The following SLC44A5 variants were observed in gnomAD, a reference collection of about 807,000 sequenced individuals.
SLC44A5 encodes solute carrier family 44 member 5.
In SLC44A5, 57 loss-of-function variants were observed where a neutral mutation model predicts 101.8. That is an observed-to-expected ratio of 0.56 (90% CI 0.45 to 0.70). The LOEUF (loss-of-function observed/expected upper bound fraction) is 0.70. Among genes scored for constraint, SLC44A5 ranks in the 30% least tolerant of loss-of-function variants. SLC44A5 has a pLI of 0.00. For missense variants in SLC44A5, 737 were observed against 853.1 expected (o/e 0.86, Z 1.70); for synonymous variants, 281 against 290.9 (o/e 0.97, Z 0.35).
chr1:75,253,262 A>G (rs1286389390), intron 6 of SLC44A5, among the ~76,000 whole-genome samples: 1 of 152,218 alleles, frequency 6.6e-6, no homozygotes, highest in African/African-American at 2.4e-5. Flanking sequence ...CTCTCACTCC[A>G]AGTTCTTTGG....
chr1:75,429,441 AG>A (rs1664487924), intron 2 of SLC44A5, among the ~76,000 whole-genome samples: 3 of 152,376 alleles, frequency 2.0e-5, no homozygotes, highest in African/African-American at 7.2e-5. Flanking sequence ...AAGTAAGAGT[AG>A]AAAGCCATCT....
At chr1:75,569,011 G>A (rs1280985283) in intron 1 of SLC44A5, among the ~76,000 whole-genome samples, 2 of 152,042 alleles carry the variant, frequency 1.3e-5, no homozygotes, top group African/African-American at 4.8e-5. Context: ...CCCTCACTTA[G>A]GCAGGTAAGG....
the SLC44A5 span, among the ~76,000 whole-genome samples, chr1:75,703,060 T>G: frequency 1.3e-5 from 2 of 150,742 alleles, no homozygotes; most frequent in Non-Finnish European, 3.0e-5. Context: ...ACACTGTTGG[T>G]GGGACTGTAA....
intron 3 of SLC44A5, among the ~76,000 whole-genome samples, chr1:75,389,449 A>G (rs1163551483): frequency 6.6e-6 from 1 of 152,234 alleles, no homozygotes; most frequent in Non-Finnish European, 1.5e-5. Context: ...TAAATTTTAA[A>G]AAACTGAAAT....
At chr1:75,628,147 T>C in the SLC44A5 span, among the ~76,000 whole-genome samples, 1 of 151,858 alleles carries the variant, frequency 6.6e-6, no homozygotes, top group African/African-American at 2.4e-5. Context: ...CAGAAAAAGA[T>C]TCTAATTACC....
chr1:75,587,153 C>T (rs1461437733), intron 1 of SLC44A5, among the ~76,000 whole-genome samples: 2 of 151,950 alleles, frequency 1.3e-5, no homozygotes, highest in Admixed American at 6.6e-5. Context: ...GGACAGCCAC[C>T]GACAACAAAA....
intron 2 of SLC44A5, among the ~76,000 whole-genome samples, chr1:75,402,678 G>T (rs2101447734): frequency 6.6e-6 from 1 of 152,128 alleles, no homozygotes; most frequent in Admixed American, 6.5e-5. Context: ...CTTTTCCCAT[G>T]GTCTTCACAA....
chr1:75,455,841 T>C (rs774788737), intron 2 of SLC44A5, among the ~76,000 whole-genome samples: 6 of 152,106 alleles, frequency 3.9e-5, no homozygotes, highest in South Asian at 2.1e-4. Flanking sequence ...TGGCTACTAT[T>C]ACAAAGTCAA....
At chr1:75,539,127 T>C (rs1286977033) in intron 2 of SLC44A5, among the ~76,000 whole-genome samples, 1 of 152,202 alleles carries the variant, frequency 6.6e-6, no homozygotes, top group East Asian at 1.9e-4. Flanking sequence ...GAGAATATAG[T>C]CACATTGTTA....
At chr1:75,616,149 G>A in the SLC44A5 span, among the ~76,000 whole-genome samples, 1 of 151,806 alleles carries the variant, frequency 6.6e-6, no homozygotes, top group African/African-American at 2.4e-5. Context: ...CGGCGGCGGC[G>A]GCTGCTGTGC....
chr1:75,493,318 G>T (rs1668517285), intron 2 of SLC44A5, among the ~76,000 whole-genome samples: 1 of 152,010 alleles, frequency 6.6e-6, no homozygotes, highest in African/African-American at 2.4e-5. Flanking sequence ...GAAAGTAGAT[G>T]GTATTTAACC....
At chr1:75,214,056 G>C in intron 20 of SLC44A5, 67 bp from the exon 21 acceptor site, 1 of 1,020,696 alleles carries the variant, frequency 9.8e-7, no homozygotes, top group Non-Finnish European at 1.5e-6. Context: ...GAAATTTATG[G>C]CAGTAAATTT....
At chr1:75,498,098 A>C (rs1668769904) in intron 2 of SLC44A5, among the ~76,000 whole-genome samples, 1 of 152,220 alleles carries the variant, frequency 6.6e-6, no homozygotes, top group South Asian at 2.1e-4. Flanking sequence ...CATTATGTAT[A>C]CATTAAGACT....
the SLC44A5 span, among the ~76,000 whole-genome samples, chr1:75,655,449 T>A: frequency 6.6e-6 from 1 of 152,330 alleles, no homozygotes; most frequent in Non-Finnish European, 1.5e-5. Flanking sequence ...ACCAGCTTCC[T>A]AAAGTGGCCT....
At chr1:75,457,189 A>G (rs550405115) in intron 2 of SLC44A5, among the ~76,000 whole-genome samples, 15 of 152,362 alleles carry the variant, frequency 9.8e-5, no homozygotes, top group African/African-American at 3.4e-4. Flanking sequence ...TAATGCAGTA[A>G]TAAAAATGTT....
the SLC44A5 span, among the ~76,000 whole-genome samples, chr1:75,623,352 G>T: frequency 6.6e-6 from 1 of 151,986 alleles, no homozygotes; most frequent in African/African-American, 2.4e-5. Flanking sequence ...GCAAAAAGTA[G>T]GGAAAAGACT....
At chr1:75,374,847 T>C (rs990239919) in intron 3 of SLC44A5, among the ~76,000 whole-genome samples, 10 of 152,046 alleles carry the variant, frequency 6.6e-5, no homozygotes, top group Non-Finnish European at 2.9e-5. Context: ...AAAATTATTA[T>C]AAAAACAAAA....
intron 4 of SLC44A5, among the ~76,000 whole-genome samples, chr1:75,318,377 AAGAAAGAAAG>A: frequency 9.6e-5 from 2 of 20,822 alleles, no homozygotes; most frequent in Non-Finnish European, 1.4e-4. Flanking sequence ...TCTTGAAAGA[AAGAAAGAAAG>A]AAAGAAAGAA....
intron 2 of SLC44A5, among the ~76,000 whole-genome samples, chr1:75,411,225 A>T (rs78261919): frequency 0.022 from 3,366 of 152,186 alleles, 150 homozygotes; most frequent in African/African-American, 0.077. Flanking sequence ...ATTTAAGCAC[A>T]TTTAGAGAGT....
Sources: gnomAD v4.1 joint callset for allele counts (sites outside exome capture counted in the v4.1 genomes callset) on GRCh38, gnomAD v4.1.1 for gene constraint, MANE v1.5 for transcripts, NCBI Gene and HGNC (gene_info 2026-07-23, HGNC 2026-07-21) for gene names.